CNTN3: variants seen among roughly 807,000 people sequenced by gnomAD.
CNTN3 encodes contactin 3, also known as contactin-3.
A neutral mutation model predicts 119.1 loss-of-function variants in CNTN3; 60 were observed. The ratio of observed to expected loss-of-function variants is 0.50; its 90% CI spans 0.41 to 0.62. The LOEUF (loss-of-function observed/expected upper bound fraction) is 0.62. Among genes scored for constraint, CNTN3 ranks in the 20% least tolerant of loss-of-function variants. The probability of loss-of-function intolerance (pLI) is 0.00; values close to 1 mark genes in which losing one functional copy is unlikely to be tolerated. For synonymous variants in CNTN3, 450 were observed against 438.7 expected (o/e 1.03, Z -0.32); for missense variants, 1,101 against 1,242.4 (o/e 0.89, Z 1.71).
intron 1 of CNTN3, among the ~76,000 whole-genome samples, chr3:74,558,002 C>T (rs570087562): frequency 1.1e-4 from 16 of 152,260 alleles, no homozygotes; most frequent in African/African-American, 3.6e-4. Flanking sequence ...TATTCTTTAC[C>T]CCAGCCTCTA....
chr3:74,606,538 G>T (rs1704995944), intron 1 of CNTN3, among the ~76,000 whole-genome samples: 5 of 151,726 alleles, frequency 3.3e-5, no homozygotes. Flanking sequence ...GTAGGAAGAA[G>T]AATGACAGAA....
chr3:74,498,294 A>G (rs537284870), intron 3 of CNTN3, among the ~76,000 whole-genome samples: 2 of 151,980 alleles, frequency 1.3e-5, no homozygotes, highest in East Asian at 3.9e-4. Flanking sequence ...TGATCTGTTC[A>G]ACTTTCCCCA....
intron 12 of CNTN3, among the ~76,000 whole-genome samples, chr3:74,335,587 G>T (rs912969381): frequency 1.1e-4 from 17 of 152,060 alleles, no homozygotes; most frequent in Non-Finnish European, 2.4e-4. Flanking sequence ...TATGCATGTT[G>T]TCTACAATTA....
intron 5 of CNTN3, among the ~76,000 whole-genome samples, chr3:74,385,499 C>T (rs1342113672): frequency 1.2e-4 from 18 of 152,068 alleles, no homozygotes; most frequent in South Asian, 4.1e-4. Flanking sequence ...GAGCTTTTTG[C>T]GTAATTTTGG....
At chr3:74,489,091 A>C (rs1702913393) in intron 3 of CNTN3, among the ~76,000 whole-genome samples, 1 of 152,156 alleles carries the variant, frequency 6.6e-6, no homozygotes, top group African/African-American at 2.4e-5. Flanking sequence ...ATAAAGAAAA[A>C]GTATCCATTC....
rs561280402 is a variant in CNTN3, at chr3:74,585,209, T to C, written c.-81+29182A>G. 9.8e-5 allele frequency among the ~76,000 whole-genome samples: 15 copies of C among 152,296 alleles called. No homozygotes were observed. The South Asian group carries it at 2.9e-3, about 29-fold the overall frequency. On this transcript the variant is annotated intron_variant, in intron 1 of 22. Transcript: ENST00000263665. ...AAGGATTCTGATGGGTTAGTATCCATAAATCACAAAGTGTGGACATGTGCA... is the reference window on the plus strand; with the variant it reads ...AAGGATTCTGATGGGTTAGTATCCACAAATCACAAAGTGTGGACATGTGCA...
At chr3:74,318,770 G>C (rs1429836491) in intron 13 of CNTN3, among the ~76,000 whole-genome samples, 2 of 152,140 alleles carry the variant, frequency 1.3e-5, no homozygotes, top group African/African-American at 2.4e-5. Context: ...GCCCCTACTG[G>C]GGGGTGCCTC....
At chr3:74,579,229 T>C (rs1050227321) in intron 1 of CNTN3, among the ~76,000 whole-genome samples, 2 of 151,952 alleles carry the variant, frequency 1.3e-5, no homozygotes, top group Admixed American at 1.3e-4. Context: ...TGTAGGCACC[T>C]AACAACAATG....
chr3:74,469,831 T>C (rs75855441), intron 4 of CNTN3, among the ~76,000 whole-genome samples: 88 of 152,234 alleles, frequency 5.8e-4, no homozygotes, highest in African/African-American at 2.0e-3. Flanking sequence ...TCCTAAAACC[T>C]AGCAATCCCA....
chr3:74,380,796 G>A lies in CNTN3; in HGVS notation c.455-9397C>T, dbSNP rs186461811. On this transcript the variant is annotated intron_variant, in intron 5 of 22. Coordinates refer to ENST00000263665, the MANE Select transcript of CNTN3 (RefSeq NM_020872.3). ...AAGGGCTAGTGAATAAAGGTGCTGC[G>A]TCACAATAACACTGTCCATTCCACA... Among the ~76,000 whole-genome samples the A allele has an allele frequency of 1.9e-4, 29 of 152,230 alleles. No individual in the cohort carries two copies. The East Asian group carries it at 4.6e-3, about 24-fold the overall frequency.
intron 1 of CNTN3, among the ~76,000 whole-genome samples, chr3:74,545,778 C>A (rs1703905801): frequency 6.6e-6 from 1 of 151,784 alleles, no homozygotes; most frequent in Admixed American, 6.6e-5. Flanking sequence ...ATTACCAACC[C>A]CCACCCCCAA....
chr3:74,349,767 G>A (rs530873624), intron 11 of CNTN3, among the ~76,000 whole-genome samples: 4 of 152,274 alleles, frequency 2.6e-5, no homozygotes, highest in Admixed American at 6.5e-5. Flanking sequence ...ACAGGGATTG[G>A]TCTATGGTTA....
At position 74,419,545 on chromosome 3, in the gene CNTN3, A is replaced by G. The variant is rs200017460; in HGVS notation, c.454+5300T>C. Among the ~76,000 whole-genome samples the G allele has an allele frequency of 4.6e-5, 7 of 152,328 alleles. No individual in the cohort carries two copies. In the East Asian group the frequency reaches 9.7e-4, roughly 21 times the overall value. ...CAGCCTCCATTACCTGCTGTTTGGC[A>G]TCTCACATTCTCGTTTTTCCATCCC... On this transcript the variant is annotated intron_variant, in intron 5 of 22. Coordinates refer to ENST00000263665, the MANE Select transcript of CNTN3 (RefSeq NM_020872.3).
chr3:74,562,980 A>G (rs190801786), intron 1 of CNTN3, among the ~76,000 whole-genome samples: 1 of 152,166 alleles, frequency 6.6e-6, no homozygotes, highest in African/African-American at 2.4e-5. Flanking sequence ...ATTTGAGAAT[A>G]ATGATAAAGC....
intron 4 of CNTN3, among the ~76,000 whole-genome samples, chr3:74,428,189 C>T (rs951675020): frequency 3.3e-5 from 5 of 151,770 alleles, no homozygotes; most frequent in African/African-American, 1.2e-4. Flanking sequence ...GAGAATGATA[C>T]TAAATAACTG....
At chr3:74,431,632 T>C (rs1701784611) in intron 4 of CNTN3, among the ~76,000 whole-genome samples, 2 of 152,320 alleles carry the variant, frequency 1.3e-5, no homozygotes, top group Middle Eastern at 3.4e-3. Context: ...TAGACAATTT[T>C]ATGGGAAATG....
chr3:74,364,197 T>C (rs112152019), intron 10 of CNTN3, among the ~76,000 whole-genome samples: 2 of 152,114 alleles, frequency 1.3e-5, no homozygotes, highest in Non-Finnish European at 2.9e-5. Flanking sequence ...GTTGGTAATA[T>C]TGGAGGTGGA....
At position 74,266,545 on chromosome 3, in the gene CNTN3, G is replaced by A; in HGVS notation, c.2922C>T (p.Val974=). ...CATCCCCTCCATCTGTTGTGGCCTT[G>A]ACTTCAATAATGTAGTCCTCTTTAA... ...LPIKEDYIIE[V]KATTDGGDGT... The change falls in exon 22 of 23, where the codon GTC becomes GTT. Residue 974 remains valine, a synonymous_variant. Coordinates refer to ENST00000263665, the MANE Select transcript of CNTN3 (RefSeq NM_020872.3). 4 of 1,613,596 alleles carry A rather than the reference G, an allele frequency of 2.5e-6. No individual in the cohort carries two copies. Among genetic ancestry groups the A allele is most frequent in the Non-Finnish European group, 3.4e-6 (4 of 1,179,626 alleles).
At chr3:74,599,774 A>T (rs1431639184) in intron 1 of CNTN3, among the ~76,000 whole-genome samples, 3 of 152,074 alleles carry the variant, frequency 2.0e-5, no homozygotes, top group Non-Finnish European at 4.4e-5. Flanking sequence ...GCCTTCCAAC[A>T]TCAATGGGGC....
Sources: gnomAD v4.1 joint callset for allele counts (sites outside exome capture counted in the v4.1 genomes callset) on GRCh38, gnomAD v4.1.1 for gene constraint, MANE v1.5 for transcripts, NCBI Gene and HGNC (gene_info 2026-07-23, HGNC 2026-07-21) for gene names.